The following CARMIL1 variants were observed in gnomAD, a reference collection of about 807,000 sequenced individuals.
CARMIL1 encodes the protein capping protein regulator and myosin 1 linker 1.
Under a neutral mutation model 177.1 loss-of-function variants are expected in CARMIL1, and 90 were observed. The observed-to-expected ratio is 0.51, with a 90% CI of 0.43 to 0.61. The LOEUF is 0.61. Among genes scored for constraint, CARMIL1 ranks in the 20% least tolerant of loss-of-function variants. The pLI is 0.00. For missense variants in CARMIL1, 1,380 were observed against 1,667.0 expected, an observed-to-expected ratio of 0.83 and a Z score of 3.00; for synonymous variants, 577 against 606.2, an observed-to-expected ratio of 0.95 and a Z score of 0.71.
chr6:25,347,982 T>C (rs529024223), intron 2 of CARMIL1, among the ~76,000 whole-genome samples: 7 of 152,302 alleles, frequency 4.6e-5, no homozygotes, highest in African/African-American at 1.7e-4. Context: ...CCTCACTTAA[T>C]GTCATCGATA....
At chr6:25,501,794 A>C (rs1804370328) in intron 17 of CARMIL1, among the ~76,000 whole-genome samples, 1 of 152,202 alleles carries the variant, frequency 6.6e-6, no homozygotes, top group African/African-American at 2.4e-5. Flanking sequence ...GCACCAAGCC[A>C]GTACTAAATA....
At chr6:25,384,288 C>T in intron 2 of CARMIL1, among the ~76,000 whole-genome samples, 1 of 152,232 alleles carries the variant, frequency 6.6e-6, no homozygotes, top group East Asian at 1.9e-4. Flanking sequence ...TCACACGCAG[C>T]AACAGCACGT....
chr6:25,322,638 G>A (rs1784780643), intron 2 of CARMIL1, among the ~76,000 whole-genome samples: 1 of 152,136 alleles, frequency 6.6e-6, no homozygotes, highest in African/African-American at 2.4e-5. Flanking sequence ...CCTGAAAAAT[G>A]CTACACTGCA....
chr6:25,495,128 C>A lies in CARMIL1; in HGVS notation c.1238C>A (p.Pro413His). The A allele has an allele frequency of 1.2e-6, 2 of 1,610,620 alleles. No homozygotes were observed. Among genetic ancestry groups the A allele is most frequent in the South Asian group, 2.2e-5 (2 of 90,756 alleles). Reference sequence around the variant, plus strand: ...TTTTTCAGGAAAGGAAAAGAAGTACCTCCATCTTTCAAGCAATTTTTTAGT... The same window carrying A: ...TTTTTCAGGAAAGGAAAAGAAGTACATCCATCTTTCAAGCAATTTTTTAGT... ...VFSHRKGKEVPPSFKQFFSSS... is the reference protein window; with the variant it reads ...VFSHRKGKEVHPSFKQFFSSS... Residue 413 changes from proline (P) to histidine (H), a missense_variant, in exon 16 of 37, where the codon CCT becomes CAT. Physicochemically the swap from Pro to His is moderately conservative, Grantham distance 77. Transcript: ENST00000329474.
At chr6:25,483,683 A>AAT in intron 12 of CARMIL1, among the ~76,000 whole-genome samples, 1 of 148,466 alleles carries the variant, frequency 6.7e-6, no homozygotes, top group African/African-American at 2.5e-5. Flanking sequence ...CTCTGTCTCA[A>AAT]AAAAAAAAAA....
intron 26 of CARMIL1, among the ~76,000 whole-genome samples, chr6:25,543,016 T>A (rs1163427618): frequency 1.3e-5 from 2 of 152,188 alleles, no homozygotes; most frequent in Non-Finnish European, 2.9e-5. Context: ...AGAGCTAAAG[T>A]CGATGGATTA....
Position 25,528,700 on chromosome 6 carries a change from C to T in CARMIL1, c.1969-95C>T, listed in dbSNP as rs1392546526. The T allele has an allele frequency of 2.4e-5, 21 of 881,798 alleles. No individual in the cohort carries two copies. The Middle Eastern group carries it at 9.5e-4, about 40-fold the overall frequency. 54.6% of individuals were successfully genotyped at this position (881,798 alleles called of 1,614,324 possible). On this transcript the variant is annotated intron_variant, in intron 23 of 36. Transcript: ENST00000329474. ...TGGCAGGATGTGTATATTCACGCTT[C>T]GGTTTTTAAGTTCGGCAACTGACTG...
chr6:25,612,909 C>T (rs2151339800), intron 36 of CARMIL1: 1 of 985,218 alleles, frequency 1.0e-6, no homozygotes, highest in Non-Finnish European at 1.2e-6. Context: ...GATTATCATC[C>T]CTCACTGACC....
chr6:25,602,085 T>C (rs1376218248), intron 33 of CARMIL1, among the ~76,000 whole-genome samples: 1 of 152,230 alleles, frequency 6.6e-6, no homozygotes, highest in Non-Finnish European at 1.5e-5. Flanking sequence ...AAACAACCAA[T>C]GTTTAAAAAT....
At chr6:25,470,326 T>C (rs371323742) in intron 9 of CARMIL1, among the ~76,000 whole-genome samples, 3 of 152,344 alleles carry the variant, frequency 2.0e-5, no homozygotes, top group East Asian at 1.9e-4. Context: ...TTAATGGTTT[T>C]ATAATGAAAT....
At chr6:25,451,986 GCCCCCC>G in intron 8 of CARMIL1, 1 of 112,672 alleles carries the variant, frequency 8.9e-6, no homozygotes, top group Non-Finnish European at 1.7e-5. Context: ...CTAGCATCTT[GCCCCCC>G]CCTCCCCCCC....
chr6:25,399,454 T>A (rs1315218626), intron 2 of CARMIL1, among the ~76,000 whole-genome samples: 4 of 152,194 alleles, frequency 2.6e-5, no homozygotes, highest in African/African-American at 4.8e-5. Context: ...GTTTGGTGAC[T>A]GGATATGAGG....
At chr6:25,409,953 C>T (rs566140310) in intron 2 of CARMIL1, among the ~76,000 whole-genome samples, 9 of 152,200 alleles carry the variant, frequency 5.9e-5, no homozygotes, top group Admixed American at 3.3e-4. Flanking sequence ...TATATACCTA[C>T]CTTAATTTCT....
chr6:25,505,032 C>T (rs1804775742), intron 17 of CARMIL1, among the ~76,000 whole-genome samples: 1 of 152,192 alleles, frequency 6.6e-6, no homozygotes, highest in Non-Finnish European at 1.5e-5. Context: ...TCAGAATTGA[C>T]ATCATAGGTC....
At chr6:25,560,342 T>G (rs1398681527) in intron 29 of CARMIL1, among the ~76,000 whole-genome samples, 1 of 152,144 alleles carries the variant, frequency 6.6e-6, no homozygotes, top group Non-Finnish European at 1.5e-5. Flanking sequence ...GGGAGGAAGA[T>G]AACACAAACT....
intron 2 of CARMIL1, among the ~76,000 whole-genome samples, chr6:25,389,523 A>G (rs1352811229): frequency 6.6e-6 from 1 of 152,170 alleles, no homozygotes; most frequent in East Asian, 1.9e-4. Context: ...GCAGATTGGA[A>G]GGTGTCGATC....
At chr6:25,425,623 G>T (rs1035549436) in intron 3 of CARMIL1, among the ~76,000 whole-genome samples, 2 of 152,000 alleles carry the variant, frequency 1.3e-5, no homozygotes, top group Non-Finnish European at 2.9e-5. Context: ...GGGAAAATCC[G>T]GGAAGAAAGA....
chr6:25,618,667 CAG>C (rs1324656790), intron 36 of CARMIL1, among the ~76,000 whole-genome samples: 2 of 152,160 alleles, frequency 1.3e-5, no homozygotes, highest in Non-Finnish European at 1.5e-5. Flanking sequence ...GATAATAAAA[CAG>C]AGAGTGCCTA....
Position 25,619,432 on chromosome 6 carries a change from C to T in CARMIL1, c.3980-15C>T. The T allele has an allele frequency of 6.2e-7, 1 of 1,607,900 alleles. No individual in the cohort carries two copies. Among genetic ancestry groups the T allele is most frequent in the Non-Finnish European group, 8.5e-7 (1 of 1,177,754 alleles). ...ACTTTGTCAGTAAACTGTGCGACTT[C>T]CCTTTTTATTTCAGTTTCAAGGAGA... is the stretch of plus-strand genomic sequence containing the variant. On this transcript the variant is annotated splice_polypyrimidine_tract_variant and intron_variant, in intron 36 of 36. Transcript: ENST00000329474.
Sources: allele counts gnomAD v4.1 joint callset (sites outside exome capture counted in the v4.1 genomes callset), GRCh38; gene constraint gnomAD v4.1.1; transcripts MANE v1.5; gene names NCBI Gene and HGNC (gene_info 2026-07-23, HGNC 2026-07-21).